The following ROBO2 variants were observed in gnomAD, a reference collection of about 807,000 sequenced individuals.
ROBO2 encodes roundabout guidance receptor 2.
ROBO2 carries 53 observed loss-of-function variants against 160.8 expected under a neutral mutation model. That is an observed-to-expected ratio of 0.33 (90% confidence interval 0.26 to 0.41). The LOEUF (loss-of-function observed/expected upper bound fraction) is 0.41. Ranked by LOEUF, ROBO2 falls within the 10% of genes least tolerant of loss-of-function variation. The pLI is 1.00. For missense variants in ROBO2, 1,577 were observed against 1,722.4 expected, an observed-to-expected ratio of 0.92 and a Z score of 1.49; for synonymous variants, 664 against 611.7, an observed-to-expected ratio of 1.09 and a Z score of -1.26.
At chr3:77,569,229 A>G (rs1441738383) in intron 13 of ROBO2, among the ~76,000 whole-genome samples, 1 of 152,018 alleles carries the variant, frequency 6.6e-6, no homozygotes, top group Non-Finnish European at 1.5e-5. Flanking sequence ...AACTGCCAAA[A>G]TGCTTTCCAA....
intron 2 of ROBO2, among the ~76,000 whole-genome samples, chr3:76,095,774 ACACACACACACAC>A (rs1455369601): frequency 1.3e-5 from 2 of 149,236 alleles, no homozygotes; most frequent in South Asian, 4.3e-4. Context: ...ACACACACAC[ACACACACACACAC>A]AAGATAATCA....
Position 76,827,029 on chromosome 3 carries a change from A to G in ROBO2, c.110-270985A>G, listed in dbSNP as rs1451642920. ...GGAGAGGGTAGCACTAGCAAATACT[A>G]CACATTAACTTGTCGCACATGACAA... On this transcript the variant is annotated intron_variant, in intron 2 of 26. Transcript: ENST00000487694. Among the ~76,000 whole-genome samples the G allele has an allele frequency of 2.0e-5, 3 of 152,286 alleles. 1 individual carries two copies. The East Asian group carries it at 5.8e-4, about 29-fold the overall frequency.
chr3:77,106,382 G>A (rs144434988), intron 2 of ROBO2, among the ~76,000 whole-genome samples: 1 of 151,996 alleles, frequency 6.6e-6, no homozygotes, highest in African/African-American at 2.4e-5. Flanking sequence ...TTCAGCTGGT[G>A]TGTAGATGCA....
chr3:76,126,331 G>A (rs886597674), intron 2 of ROBO2, among the ~76,000 whole-genome samples: 4 of 151,996 alleles, frequency 2.6e-5, no homozygotes, highest in African/African-American at 9.7e-5. Flanking sequence ...ATTTTATGCT[G>A]AAATGTATAA....
At chr3:77,097,913 G>C (rs2071316376) in intron 1 of ROBO2, 101 bp from the exon 2 acceptor site, 3 of 1,010,686 alleles carry the variant, frequency 3.0e-6, no homozygotes, top group Middle Eastern at 2.2e-4. Flanking sequence ...TGTTCAGTTG[G>C]ATAATCGAAG....
intron 2 of ROBO2, among the ~76,000 whole-genome samples, chr3:76,219,946 G>T (rs1208285257): frequency 1.3e-5 from 2 of 151,934 alleles, no homozygotes; most frequent in Non-Finnish European, 2.9e-5. Flanking sequence ...AACAATGATA[G>T]ACTGGATTAA....
rs191595625 is a variant in ROBO2 at position 77,540,588 on chromosome 3, G to T, written c.935-5750G>T. On this transcript the variant is annotated intron_variant, in intron 6 of 25. Coordinates refer to ENST00000461745, the Ensembl canonical transcript of ROBO2. ...AGTCGGGGGCAGTGGGGGCGCGCAG[G>T]GGGAGGGAGAGCATCAGGAAAAAGA... is the stretch of plus-strand genomic sequence containing the variant. Among the ~76,000 whole-genome samples the T allele has an allele frequency of 7.3e-3, 1,114 of 152,214 alleles. 14 individuals carry two copies. Among genetic ancestry groups the T allele is most frequent in the Non-Finnish European group, 8.2e-3 (560 of 68,008 alleles).
Position 76,512,181 on chromosome 3 carries a change from T to C in ROBO2, c.109+574579T>C, listed in dbSNP as rs371039426. On this transcript the variant is annotated intron_variant, in intron 2 of 26. Transcript: ENST00000487694. ...TTTAAAAGCCTTCCTGAAAAATCTC[T>C]CCTTATCTCTAGAGAATCTCCTTCC... Among the ~76,000 whole-genome samples the C allele has an allele frequency of 2.4e-4, 37 of 152,066 alleles. No individual in the cohort carries two copies. In the Middle Eastern group the frequency reaches 0.021, roughly 84 times the overall value.
rs983541438 is a variant in ROBO2, at chr3:77,098,114, G to T, written c.162G>T (p.Ala54=). 14 of 1,614,120 alleles carry T rather than the reference G, an allele frequency of 8.7e-6. No homozygotes were observed. In the East Asian group the frequency reaches 8.9e-5, roughly 10 times the overall value. ...AGCCCACGACTCTGAACTGCAAGGC[G>T]GAGGGCCGGCCAACGCCCACCATTG... The change falls in exon 2 of 26, where the codon GCG becomes GCT. Residue 54 remains alanine, a synonymous_variant. Coordinates refer to ENST00000461745, the Ensembl canonical transcript of ROBO2.
At chr3:76,930,446 C>T (rs1327035653) in intron 2 of ROBO2, among the ~76,000 whole-genome samples, 3 of 152,194 alleles carry the variant, frequency 2.0e-5, no homozygotes, top group African/African-American at 7.2e-5. Context: ...CCAAACACTT[C>T]CTATTCATTT....
At chr3:77,563,583 C>T (rs1416482401) in intron 11 of ROBO2, among the ~76,000 whole-genome samples, 1 of 152,102 alleles carries the variant, frequency 6.6e-6, no homozygotes, top group African/African-American at 2.4e-5. Context: ...CACTTAGCTC[C>T]ATTCTTTACC....
Position 76,831,994 on chromosome 3 carries a change from A to G in ROBO2, c.110-266020A>G, listed in dbSNP as rs1405396632. 2.6e-5 allele frequency among the ~76,000 whole-genome samples: 4 copies of G among 152,290 alleles called. No individual in the cohort carries two copies. In the East Asian group the frequency reaches 5.8e-4, roughly 22 times the overall value. ...AAGCAGTTTATGAAATTTAGGGGGA[A>G]GGGCAAAAATCAATCCCTTTCAAAT... On this transcript the variant is annotated intron_variant, in intron 2 of 26. Transcript: ENST00000487694.
At chr3:77,281,600 T>C (rs1024296074) in intron 2 of ROBO2, among the ~76,000 whole-genome samples, 4 of 152,152 alleles carry the variant, frequency 2.6e-5, no homozygotes, top group African/African-American at 9.6e-5. Context: ...GGACCTCCCA[T>C]GGATGCTCAA....
intron 2 of ROBO2, chr3:77,317,095 G>A: frequency 7.4e-7 from 1 of 1,350,790 alleles, no homozygotes; most frequent in Non-Finnish European, 1.1e-6. Context: ...GTAGCCAACT[G>A]CAAAGTTGCT....
chr3:76,329,411 T>C (rs1339216553), intron 2 of ROBO2, among the ~76,000 whole-genome samples: 3 of 152,084 alleles, frequency 2.0e-5, no homozygotes, highest in Admixed American at 2.0e-4. Flanking sequence ...AGAGATGGGG[T>C]TTCCCCGTGT....
At chr3:76,115,317 A>G (rs571818070) in intron 2 of ROBO2, among the ~76,000 whole-genome samples, 2 of 152,278 alleles carry the variant, frequency 1.3e-5, no homozygotes, top group South Asian at 4.1e-4. Flanking sequence ...ATATGATCCA[A>G]TCAGATCCAC....
At chr3:77,475,188 A>T (rs2083856565) in intron 2 of ROBO2, among the ~76,000 whole-genome samples, 1 of 152,142 alleles carries the variant, frequency 6.6e-6, no homozygotes, top group Non-Finnish European at 1.5e-5. Context: ...AGCACATTAC[A>T]AGTTGAAGAG....
At chr3:76,212,350 A>G (rs1212247716) in intron 2 of ROBO2, among the ~76,000 whole-genome samples, 1 of 151,976 alleles carries the variant, frequency 6.6e-6, no homozygotes, top group Non-Finnish European at 1.5e-5. Flanking sequence ...TTTATTTTTG[A>G]TATTAGAATT....
At chr3:75,953,355 A>G (rs765431081) in intron 2 of ROBO2, among the ~76,000 whole-genome samples, 1 of 151,936 alleles carries the variant, frequency 6.6e-6, no homozygotes, top group Non-Finnish European at 1.5e-5. Flanking sequence ...CCCTAATGAT[A>G]CATGACTAGT....
Sources: gnomAD v4.1 joint callset for allele counts (sites outside exome capture counted in the v4.1 genomes callset) on GRCh38, gnomAD v4.1.1 for gene constraint, MANE v1.5 for transcripts, NCBI Gene and HGNC (gene_info 2026-07-23, HGNC 2026-07-21) for gene names.